Variants in PTPRG observed in about 807,000 individuals in gnomAD.
PTPRG encodes the protein protein tyrosine phosphatase receptor type G, also known as receptor-type tyrosine-protein phosphatase gamma.
Under a neutral mutation model 165.3 loss-of-function variants are expected in PTPRG, and 102 were observed. That is an observed-to-expected ratio of 0.62 (90% CI 0.53 to 0.73). The LOEUF is 0.73. Ranked by LOEUF, PTPRG falls within the 30% of genes least tolerant of loss-of-function variation. The pLI is 0.00. For missense variants in PTPRG, 1,866 were observed against 1,861.4 expected (o/e 1.00, Z -0.05); for synonymous variants, 675 against 669.5 (o/e 1.01, Z -0.13).
chr3:61,917,830 G>C (rs997959858), intron 2 of PTPRG, among the ~76,000 whole-genome samples: 1 of 152,174 alleles, frequency 6.6e-6, no homozygotes. Context: ...CTACCAGGAG[G>C]CTGCGGCAGA....
intron 1 of PTPRG, among the ~76,000 whole-genome samples, chr3:61,734,939 C>T (rs960305392): frequency 1.3e-5 from 2 of 152,204 alleles, no homozygotes; most frequent in Admixed American, 6.5e-5. Context: ...GCTTTTCCGT[C>T]TGACTCTTCA....
At chr3:62,186,742 T>A (rs915496735) in intron 8 of PTPRG, among the ~76,000 whole-genome samples, 1 of 151,916 alleles carries the variant, frequency 6.6e-6, no homozygotes, top group Non-Finnish European at 1.5e-5. Context: ...ATTTTTGTGT[T>A]TTTTTCTAGA....
intron 1 of PTPRG, among the ~76,000 whole-genome samples, chr3:61,606,766 T>G (rs974889662): frequency 2.0e-5 from 3 of 152,088 alleles, no homozygotes; most frequent in African/African-American, 7.2e-5. Context: ...GCGCTGTGGG[T>G]CCTCTTTTAT....
At chr3:61,802,024 C>CAAAAAA (rs112361163) in intron 2 of PTPRG, among the ~76,000 whole-genome samples, 2 of 112,864 alleles carry the variant, frequency 1.8e-5, no homozygotes, top group African/African-American at 6.5e-5. Context: ...GACTCCATCT[C>CAAAAAA]AAAAAAAAAA....
intron 2 of PTPRG, among the ~76,000 whole-genome samples, chr3:61,765,751 A>G (rs758816044): frequency 1.3e-5 from 2 of 152,248 alleles, no homozygotes; most frequent in African/African-American, 2.4e-5. Flanking sequence ...ATGGCCACAG[A>G]TATCTTCCAG....
chr3:61,885,662 CT>C (rs2038009831), intron 2 of PTPRG, among the ~76,000 whole-genome samples: 8 of 32,944 alleles, frequency 2.4e-4, no homozygotes, highest in Non-Finnish European at 5.8e-4. Context: ...TCCTTCTCTC[CT>C]CTCCTCTCCT....
intron 6 of PTPRG, among the ~76,000 whole-genome samples, chr3:62,149,557 A>G (rs1194543292): frequency 6.6e-6 from 1 of 152,180 alleles, no homozygotes. Flanking sequence ...GGCATGAGCC[A>G]CTGCGCCCGG....
At chr3:62,077,277 TAA>T (rs11329129) in intron 4 of PTPRG, among the ~76,000 whole-genome samples, 1 of 138,430 alleles carries the variant, frequency 7.2e-6, no homozygotes, top group Non-Finnish European at 1.6e-5. Flanking sequence ...TTTGTTTGTT[TAA>T]AAAAAAAAAA....
intron 2 of PTPRG, among the ~76,000 whole-genome samples, chr3:61,851,112 T>C (rs2036951872): frequency 6.6e-6 from 1 of 152,180 alleles, no homozygotes; most frequent in African/African-American, 2.4e-5. Context: ...AGCCCACAAA[T>C]GATACATAGT....
chr3:62,071,444 C>T (rs926724101), intron 4 of PTPRG, among the ~76,000 whole-genome samples: 1 of 152,124 alleles, frequency 6.6e-6, no homozygotes, highest in Non-Finnish European at 1.5e-5. Context: ...GGGAAATGCC[C>T]CCTCCTGCCC....
chr3:61,967,923 G>A (rs1049799360), intron 2 of PTPRG, among the ~76,000 whole-genome samples: 16 of 152,142 alleles, frequency 1.1e-4, no homozygotes, highest in Non-Finnish European at 2.1e-4. Flanking sequence ...TGTAAAATAA[G>A]TATTTTTAAT....
chr3:62,275,339 T>C (rs1048288537), intron 23 of PTPRG, among the ~76,000 whole-genome samples: 6 of 58,388 alleles, frequency 1.0e-4, no homozygotes, highest in African/African-American at 4.2e-4. Flanking sequence ...CTCACGTAGG[T>C]CTTTTATGCC....
intron 4 of PTPRG, among the ~76,000 whole-genome samples, chr3:62,063,183 A>G (rs1169507002): frequency 6.6e-6 from 1 of 152,152 alleles, no homozygotes; most frequent in African/African-American, 2.4e-5. Context: ...TCATTTTCTA[A>G]TTATTATCTT....
At chr3:62,081,476 C>T (rs886559) in intron 5 of PTPRG, among the ~76,000 whole-genome samples, 44,308 of 151,470 alleles carry the variant, frequency 0.29, 8,414 homozygotes, top group African/African-American at 0.55. Flanking sequence ...CCTGAGTAGC[C>T]GGGACTACAG....
At chr3:61,693,718 G>C (rs901273022) in intron 1 of PTPRG, among the ~76,000 whole-genome samples, 2 of 152,094 alleles carry the variant, frequency 1.3e-5, no homozygotes, top group African/African-American at 2.4e-5. Flanking sequence ...GAGAAGCAAG[G>C]CTTTAGGCCG....
At chr3:62,184,987 A>C (rs912949594) in intron 8 of PTPRG, among the ~76,000 whole-genome samples, 3 of 145,970 alleles carry the variant, frequency 2.1e-5, no homozygotes, top group Admixed American at 6.9e-5. Context: ...AGCATATCAC[A>C]TTAGTTTATC....
At chr3:61,919,545 C>T (rs927074011) in intron 2 of PTPRG, among the ~76,000 whole-genome samples, 4 of 152,022 alleles carry the variant, frequency 2.6e-5, no homozygotes, top group Admixed American at 2.0e-4. Context: ...AGGGTTTTGC[C>T]CACAGCTGTC....
At chr3:61,871,533 T>A (rs944632289) in intron 2 of PTPRG, among the ~76,000 whole-genome samples, 8 of 152,298 alleles carry the variant, frequency 5.3e-5, no homozygotes, top group African/African-American at 1.9e-4. Context: ...ATAAAACTGC[T>A]GACTCTCCCT....
intron 6 of PTPRG, among the ~76,000 whole-genome samples, chr3:62,134,505 G>A (rs1703634233): frequency 2.0e-5 from 3 of 152,132 alleles, no homozygotes; most frequent in Admixed American, 2.0e-4. Flanking sequence ...TCCTTCGCTT[G>A]TGCCAAGGGT....
Sources: allele counts gnomAD v4.1 joint callset (sites outside exome capture counted in the v4.1 genomes callset), GRCh38; gene constraint gnomAD v4.1.1; transcripts MANE v1.5; gene names NCBI Gene and HGNC (gene_info 2026-07-23, HGNC 2026-07-21).